L3MBTL4: variants seen among roughly 807,000 people sequenced by gnomAD.
The protein encoded by L3MBTL4 is L3MBTL histone methyl-lysine binding protein 4.
Under a neutral mutation model 84.5 loss-of-function variants are expected in L3MBTL4, and 70 were observed. That is an observed-to-expected ratio of 0.83 (90% CI 0.68 to 1.01). The LOEUF (loss-of-function observed/expected upper bound fraction) is 1.01, where lower values mean the gene tolerates loss of function less well. Among genes scored for constraint, L3MBTL4 ranks in the 50% least tolerant of loss-of-function variants. L3MBTL4 has a pLI of 0.00. For synonymous variants in L3MBTL4, 274 were observed against 259.8 expected (o/e 1.05, Z -0.52); for missense variants, 715 against 754.8 (o/e 0.95, Z 0.62).
chr18:6,177,500 A>C (rs772776623), intron 12 of L3MBTL4, among the ~76,000 whole-genome samples: 16 of 152,216 alleles, frequency 1.1e-4, no homozygotes, highest in Non-Finnish European at 2.4e-4. Context: ...GTGTTGTTGG[A>C]AGTGTTCTAC....
chr18:6,018,356 G>T (rs57323514), intron 16 of L3MBTL4, among the ~76,000 whole-genome samples: 8,584 of 152,238 alleles, frequency 0.056, 320 homozygotes, highest in Admixed American at 0.097. Context: ...GCATGTGCAC[G>T]TGAGCAAAGG....
chr18:6,142,760 A>G (rs943142276), intron 13 of L3MBTL4, among the ~76,000 whole-genome samples: 1 of 152,092 alleles, frequency 6.6e-6, no homozygotes, highest in African/African-American at 2.4e-5. Flanking sequence ...CTACAAAAAA[A>G]TAATCTTAAA....
chr18:6,395,087 C>G (rs1368685246), intron 1 of L3MBTL4: 4 of 152,090 alleles, frequency 2.6e-5, no homozygotes. Context: ...GCCTGTAATC[C>G]CAACACTTTT....
chr18:6,188,768 C>A lies in L3MBTL4; in HGVS notation c.982-16826G>T, dbSNP rs147198632. 4.0e-3 allele frequency among the ~76,000 whole-genome samples: 613 copies of A among 152,342 alleles called. 2 individuals are homozygous for A. The highest frequency in any genetic ancestry group is 0.02 in the Middle Eastern group (6 of 294). On this transcript the variant is annotated intron_variant, in intron 12 of 18. Transcript: ENST00000317931. ...GAGCTGGCTGTCATTGAGTGCTTAC[C>A]AGCACAGAGGCTGTGGGGAGGGCCT...
intron 1 of L3MBTL4, among the ~76,000 whole-genome samples, chr18:6,342,627 A>T (rs1004237959): frequency 6.6e-6 from 1 of 152,178 alleles, no homozygotes; most frequent in Non-Finnish European, 1.5e-5. Context: ...CCACAAAAAA[A>T]ATCATCAATG....
chr18:6,242,124 C>CTCA (rs1391603131), intron 7 of L3MBTL4, among the ~76,000 whole-genome samples: 4 of 152,198 alleles, frequency 2.6e-5, no homozygotes, highest in Non-Finnish European at 5.9e-5. Flanking sequence ...AGAAGTCAAA[C>CTCA]TCCCTGCACA....
At chr18:6,053,467 T>A (rs533707921) in intron 16 of L3MBTL4, among the ~76,000 whole-genome samples, 1 of 152,180 alleles carries the variant, frequency 6.6e-6, no homozygotes, top group Non-Finnish European at 1.5e-5. Context: ...GTCTGATAAC[T>A]GGTACTATCA....
chr18:6,363,124 T>C (rs1186714615), intron 1 of L3MBTL4, among the ~76,000 whole-genome samples: 1 of 152,194 alleles, frequency 6.6e-6, no homozygotes, highest in Non-Finnish European at 1.5e-5. Flanking sequence ...CTTCTATTCC[T>C]AGTGGGAAAA....
chr18:6,347,874 AATT>A (rs2052992661), intron 1 of L3MBTL4, among the ~76,000 whole-genome samples: 1 of 151,982 alleles, frequency 6.6e-6, no homozygotes, highest in Non-Finnish European at 1.5e-5. Context: ...AAAAAAAGAA[AATT>A]CTAAACACTT....
At chr18:5,976,904 C>A (rs601748) in intron 16 of L3MBTL4, among the ~76,000 whole-genome samples, 1 of 151,990 alleles carries the variant, frequency 6.6e-6, no homozygotes, top group East Asian at 1.9e-4. Flanking sequence ...AAGGAGTGTG[C>A]GGCAACCCAG....
chr18:6,333,612 T>C (rs1222147781), intron 1 of L3MBTL4, among the ~76,000 whole-genome samples: 1 of 150,582 alleles, frequency 6.6e-6, no homozygotes, highest in African/African-American at 2.4e-5. Flanking sequence ...ATGAATAAGA[T>C]TAGCATGGAG....
At chr18:6,329,941 C>A (rs1222617776) in intron 1 of L3MBTL4, among the ~76,000 whole-genome samples, 2 of 152,162 alleles carry the variant, frequency 1.3e-5, no homozygotes, top group Admixed American at 6.5e-5. Context: ...TGTCTCATTT[C>A]TTTTACTAAC....
At chr18:6,350,465 A>G (rs894640702) in intron 1 of L3MBTL4, among the ~76,000 whole-genome samples, 4 of 152,202 alleles carry the variant, frequency 2.6e-5, no homozygotes, top group Admixed American at 2.0e-4. Flanking sequence ...TCCAAAGAGG[A>G]TATTCTAATA....
chr18:6,032,785 T>C (rs1291807702), intron 16 of L3MBTL4, among the ~76,000 whole-genome samples: 1 of 152,216 alleles, frequency 6.6e-6, no homozygotes, highest in Non-Finnish European at 1.5e-5. Context: ...AAGTACCTCA[T>C]ATGAGTGGAA....
At chr18:6,163,011 T>C (rs372611425) in intron 13 of L3MBTL4, among the ~76,000 whole-genome samples, 1 of 151,950 alleles carries the variant, frequency 6.6e-6, no homozygotes, top group Non-Finnish European at 1.5e-5. Flanking sequence ...AAGAAGAGTT[T>C]TAATAACGTG....
rs569616699 is a variant in L3MBTL4 at position 6,336,522 on chromosome 18, A to T, written c.-90-24466T>A. 7.2e-5 allele frequency among the ~76,000 whole-genome samples: 11 copies of T among 152,332 alleles called. No homozygotes were observed. In the East Asian group the frequency reaches 1.7e-3, roughly 24 times the overall value. On this transcript the variant is annotated intron_variant, in intron 1 of 18. Coordinates refer to ENST00000317931, the MANE Select transcript of L3MBTL4 (RefSeq NM_001330559.2). ...TATGAAGACTAAAGATCAACAATGA[A>T]AACTCAACAAGGAGAAGAGGTGAAC...
chr18:5,975,872 C>T (rs2052900759), intron 16 of L3MBTL4, among the ~76,000 whole-genome samples: 1 of 152,220 alleles, frequency 6.6e-6, no homozygotes, highest in Non-Finnish European at 1.5e-5. Flanking sequence ...GGCCTGTCTG[C>T]TGCACTGTCT....
At chr18:6,401,891 G>A (rs751884288) in intron 1 of L3MBTL4, among the ~76,000 whole-genome samples, 5 of 152,206 alleles carry the variant, frequency 3.3e-5, no homozygotes, top group African/African-American at 4.8e-5. Context: ...AACCAGGGGC[G>A]CAGCGCCATC....
At chr18:6,068,091 G>T (rs2145946267) in intron 16 of L3MBTL4, among the ~76,000 whole-genome samples, 1 of 152,230 alleles carries the variant, frequency 6.6e-6, no homozygotes, top group East Asian at 1.9e-4. Flanking sequence ...GAGAGTTTTT[G>T]TGCGCTGGCT....
Sources: gnomAD v4.1 joint callset for allele counts (sites outside exome capture counted in the v4.1 genomes callset) on GRCh38, gnomAD v4.1.1 for gene constraint, MANE v1.5 for transcripts, NCBI Gene and HGNC (gene_info 2026-07-23, HGNC 2026-07-21) for gene names.